Variants in CEP164 observed in about 807,000 individuals in gnomAD.
The protein encoded by CEP164 is centrosomal protein of 164 kDa.
In CEP164, 162 loss-of-function variants were observed where a neutral mutation model predicts 182.7. The ratio of observed to expected loss-of-function variants is 0.89; its 90% CI spans 0.78 to 1.01. The LOEUF is 1.01. Ranked by LOEUF, CEP164 falls within the 50% of genes least tolerant of loss-of-function variation. The probability of loss-of-function intolerance (pLI) is 0.00; values close to 1 mark genes in which losing one functional copy is unlikely to be tolerated. For synonymous variants in CEP164, 661 were observed against 690.0 expected (o/e 0.96, Z 0.66); for missense variants, 1,735 against 1,790.4 (o/e 0.97, Z 0.56).
Position 117,380,629 on chromosome 11 carries a change from G to A in CEP164, c.1333G>A (p.Gly445Arg). 6.2e-7 allele frequency: 1 copy of A among 1,603,792 alleles called. No homozygotes were observed. Among genetic ancestry groups the A allele is most frequent in the Non-Finnish European group, 8.5e-7 (1 of 1,175,120 alleles). Residue 445 changes from glycine to arginine, a missense_variant, in exon 12 of 33, where the codon GGA (glycine) becomes AGA (arginine). Coordinates refer to ENST00000278935, the MANE Select transcript of CEP164 (RefSeq NM_014956.5). ...GACRQAQQPL[G>R]IEDKDDSQSS... ...TCTCCTACAGGCCCAGCAACCACTG[G>A]GAATAGAAGACAAGGATGACAGCCA... is the stretch of plus-strand genomic sequence containing the variant.
rs2045330233 is a variant in CEP164 at position 117,395,614 on chromosome 11, A to C, written c.2981A>C (p.Asn994Thr). 2.5e-6 allele frequency: 4 copies of C among 1,613,848 alleles called. No individual in the cohort carries two copies. The highest frequency in any genetic ancestry group is 1.7e-6 in the Non-Finnish European group (2 of 1,180,002). The part of the protein sequence containing the change: ...QKEHTHLLQS[N>T]QQLREILDEL... ...GAGCACACCCACCTGTTGCAGTCAA[A>C]CCAGCAGCTCCGAGAAATTCTTGAT... Residue 994 changes from asparagine (N) to threonine (T), a missense_variant, in exon 24 of 33, where the codon AAC becomes ACC. Physicochemically the swap from Asn to Thr is moderately conservative, Grantham distance 65. Coordinates refer to ENST00000278935, the MANE Select transcript of CEP164 (RefSeq NM_014956.5).
chr11:117,377,483 C>T (rs1592259838), intron 11 of CEP164, among the ~76,000 whole-genome samples: 1 of 152,182 alleles, frequency 6.6e-6, no homozygotes, highest in South Asian at 2.1e-4. Context: ...TTTGCAGGCT[C>T]AGCTTCCAGC....
intron 8 of CEP164, among the ~76,000 whole-genome samples, chr11:117,370,595 G>A (rs955462362): frequency 1.3e-5 from 2 of 152,188 alleles, no homozygotes; most frequent in African/African-American, 4.8e-5. Context: ...GATCTGGGGT[G>A]GAGTCAGGAA....
At chr11:117,322,834 C>T (rs2035302947) in intron 1 of CEP164, among the ~76,000 whole-genome samples, 1 of 130,150 alleles carries the variant, frequency 7.7e-6, no homozygotes, top group African/African-American at 3.0e-5. Context: ...GGCGTGATCT[C>T]GGCTCACTGC....
intron 4 of CEP164, 43 bp from the exon 5 acceptor site, chr11:117,351,746 TG>T: frequency 1.3e-6 from 2 of 1,529,782 alleles, no homozygotes; most frequent in Non-Finnish European, 1.8e-6. Flanking sequence ...TTTCTTCTTT[TG>T]TATCTGAGCA....
Position 117,411,568 on chromosome 11 carries a change from T to G in CEP164, c.4164-227T>G. The G allele has an allele frequency of 2.0e-6, 1 of 503,000 alleles. No individual in the cohort carries two copies. Among genetic ancestry groups the G allele is most frequent in the Non-Finnish European group, 3.5e-6 (1 of 283,130 alleles). The allele number at this position is 503,000 out of a possible 1,614,324, so 31.2% of individuals were successfully genotyped here. A position where few individuals can be genotyped will look rare whatever the true frequency, so the allele number is the denominator to read the frequency against. ...GGATGTGGGAGCCCAGAGCCTTGTATCAGTAGCACCCAGCAAGGGGGCAGA... is the reference window on the plus strand; with the variant it reads ...GGATGTGGGAGCCCAGAGCCTTGTAGCAGTAGCACCCAGCAAGGGGGCAGA... On this transcript the variant is annotated intron_variant, in intron 31 of 32. Transcript: ENST00000278935. This position sits in a 1 kb window ranked among gnomAD's most constrained non-coding sequence, Gnocchi z 4.4.
chr11:117,352,146 G>C (rs892112265), intron 5 of CEP164, among the ~76,000 whole-genome samples, 158 bp downstream of exon 5: 2 of 151,890 alleles, frequency 1.3e-5, no homozygotes, highest in African/African-American at 4.8e-5. Context: ...TCTTCTGGTT[G>C]ATTTTTCTTT....
In CEP164 at chr11:117,397,191, C is replaced by T. The variant is rs149001396; in HGVS notation, c.3379C>T (p.Arg1127Trp). The change falls in exon 27 of 33, where the codon CGG becomes TGG. Residue 1127 changes from arginine to tryptophan, a missense_variant. Coordinates refer to ENST00000278935, the MANE Select transcript of CEP164 (RefSeq NM_014956.5). ...LVQQTRSMRR[R>W]QTALKAAQQH... ...GCAGCAGACACGCTCCATGCGGAGG[C>T]GGCAGACAGCTCTGAAAGCTGCCCA... is the stretch of plus-strand genomic sequence containing the variant. The T allele has an allele frequency of 1.8e-5, 29 of 1,614,202 alleles. No individual in the cohort carries two copies. The highest frequency in any genetic ancestry group is 1.6e-4 in the Middle Eastern group (1 of 6,062).
At chr11:117,338,993 A>G (rs1485547562) in intron 3 of CEP164, among the ~76,000 whole-genome samples, 1 of 150,826 alleles carries the variant, frequency 6.6e-6, no homozygotes, top group Non-Finnish European at 1.5e-5. Flanking sequence ...AATTTTTTGT[A>G]CTTTTAGTAG....
intron 4 of CEP164, among the ~76,000 whole-genome samples, chr11:117,344,483 T>TATATC: frequency 6.6e-6 from 1 of 152,302 alleles, no homozygotes; most frequent in South Asian, 2.1e-4. Context: ...AGGATGGGGT[T>TATATC]CAATGCTTAT....
rs1398362474 is a variant in CEP164 at position 117,413,130 on chromosome 11, G to A, written c.*962G>A. ...AAGGGGTCTTTGTGCAGTTGGAGAT[G>A]CTGCCGTTGTGGCAGAGCGTCCTGC... On this transcript the variant is annotated 3_prime_UTR_variant, in exon 33 of 33. Coordinates refer to ENST00000278935, the MANE Select transcript of CEP164 (RefSeq NM_014956.5). 6.6e-6 allele frequency: 1 copy of A among 152,282 alleles called. No homozygotes were observed. The highest frequency in any genetic ancestry group is 2.1e-4 in the South Asian group (1 of 4,834). 9.4% of individuals were successfully genotyped at this position (152,282 alleles called of 1,614,324 possible). A position where few individuals can be genotyped will look rare whatever the true frequency, so the allele number is the denominator to read the frequency against.
intron 8 of CEP164, among the ~76,000 whole-genome samples, chr11:117,365,143 G>A (rs1702416709): frequency 6.6e-6 from 1 of 152,204 alleles, no homozygotes; most frequent in South Asian, 2.1e-4. Flanking sequence ...AGGACTAGGG[G>A]TGTCAGAGGA....
At position 117,387,391 on chromosome 11, in the gene CEP164, A is replaced by C. The variant is rs1219628477; in HGVS notation, c.1913A>C (p.Gln638Pro). The C allele has an allele frequency of 6.2e-7, 1 of 1,614,152 alleles. No homozygotes were observed. Reference protein sequence around the residue: ...EEEEEILRLHQQKEQSLSSLR... With the variant: ...EEEEEILRLHPQKEQSLSSLR... ...GAAGAGGAGATCCTCCGGCTTCACCAGCAGAAAGAGCAATCTCTCAGGTCC... is the reference window on the plus strand; with the variant it reads ...GAAGAGGAGATCCTCCGGCTTCACCCGCAGAAAGAGCAATCTCTCAGGTCC... The change falls in exon 15 of 33, where the codon CAG becomes CCG. Residue 638 changes from glutamine to proline, a missense_variant. Transcript: ENST00000278935.
At chr11:117,362,597 GA>G in intron 7 of CEP164, 59 bp downstream of exon 7, 1 of 1,548,318 alleles carries the variant, frequency 6.5e-7, no homozygotes. Flanking sequence ...TTTTCCTTTT[GA>G]AAATGTTTTT....
intron 8 of CEP164, among the ~76,000 whole-genome samples, chr11:117,366,569 C>T (rs973276676): frequency 6.6e-6 from 1 of 152,132 alleles, no homozygotes; most frequent in African/African-American, 2.4e-5. Flanking sequence ...TGGTGAAAAG[C>T]CCATCAGTGG....
intron 6 of CEP164, 99 bp from the exon 7 acceptor site, chr11:117,362,305 T>C: frequency 7.5e-7 from 1 of 1,327,794 alleles, no homozygotes; most frequent in South Asian, 1.4e-5. Flanking sequence ...TGGCACTTGA[T>C]CTGGGAGACA....
chr11:117,406,958 G>A (rs2046755768), intron 27 of CEP164, among the ~76,000 whole-genome samples: 1 of 152,162 alleles, frequency 6.6e-6, no homozygotes. Flanking sequence ...GCTGGGTGTG[G>A]TGGTGCACGC....
chr11:117,354,959 C>T (rs2040146780), intron 5 of CEP164: 1 of 1,287,144 alleles, frequency 7.8e-7, no homozygotes, highest in Non-Finnish European at 1.0e-6. Flanking sequence ...GGGACTTCTG[C>T]CTCCTTCATC....
intron 5 of CEP164, among the ~76,000 whole-genome samples, chr11:117,360,482 C>T (rs1475390649): frequency 6.6e-6 from 1 of 152,156 alleles, no homozygotes; most frequent in African/African-American, 2.4e-5. Context: ...GCAGTCCATC[C>T]TCCTCAGCCT....
Sources: gnomAD v4.1 joint callset for allele counts (sites outside exome capture counted in the v4.1 genomes callset) on GRCh38, gnomAD v4.1.1 for gene constraint, Gnocchi (gnomAD v3.1) non-coding constraint, MANE v1.5 for transcripts, NCBI Gene and HGNC (gene_info 2026-07-23, HGNC 2026-07-21) for gene names.